RUNDC3B: variants seen among roughly 807,000 people sequenced by gnomAD.
RUNDC3B encodes the protein RUN domain containing 3B.
A neutral mutation model predicts 58.4 loss-of-function variants in RUNDC3B; 33 were observed. That is an observed-to-expected ratio of 0.56 (90% CI 0.43 to 0.75). RUNDC3B has a LOEUF of 0.75. Among genes scored for constraint, RUNDC3B ranks in the 30% least tolerant of loss-of-function variants. The pLI is 0.00. For synonymous variants in RUNDC3B, 193 were observed against 195.2 expected (o/e 0.99, Z 0.10); for missense variants, 501 against 535.7 (o/e 0.94, Z 0.64).
intron 4 of RUNDC3B, among the ~76,000 whole-genome samples, chr7:87,712,674 T>G (rs1366488794): frequency 3.3e-5 from 5 of 152,110 alleles, no homozygotes; most frequent in African/African-American, 1.2e-4. Context: ...CTTTCTGCCT[T>G]GTTCTTAAGT....
intron 6 of RUNDC3B, among the ~76,000 whole-genome samples, chr7:87,747,437 G>A (rs1832711703): frequency 6.6e-6 from 1 of 152,200 alleles, no homozygotes; most frequent in Non-Finnish European, 1.5e-5. Context: ...GTGGTTTAAT[G>A]CTCTATTTTT....
chr7:87,637,101 C>G (rs1821854165), intron 1 of RUNDC3B, among the ~76,000 whole-genome samples: 1 of 152,176 alleles, frequency 6.6e-6, no homozygotes, highest in Admixed American at 6.5e-5. Context: ...AATTACCTCC[C>G]ATCTGCTCCC....
chr7:87,680,900 A>G (rs1187215476), intron 2 of RUNDC3B, among the ~76,000 whole-genome samples: 1 of 150,848 alleles, frequency 6.6e-6, no homozygotes, highest in East Asian at 2.0e-4. Context: ...GCAGAAATCA[A>G]TGAAATTAAA....
intron 6 of RUNDC3B, among the ~76,000 whole-genome samples, chr7:87,766,147 CT>C (rs1833967198): frequency 6.6e-6 from 1 of 152,072 alleles, no homozygotes; most frequent in Non-Finnish European, 1.5e-5. Context: ...CATGATACAT[CT>C]TTTTCAAACT....
At chr7:87,829,503 T>C (rs1838020947) in intron 10 of RUNDC3B, among the ~76,000 whole-genome samples, 1 of 152,200 alleles carries the variant, frequency 6.6e-6, no homozygotes, top group Non-Finnish European at 1.5e-5. Flanking sequence ...CAGATGGCTA[T>C]ACATGTGCAG....
intron 3 of RUNDC3B, 76 bp downstream of exon 3, chr7:87,700,630 CTACT>C: frequency 7.5e-7 from 1 of 1,337,874 alleles, no homozygotes; most frequent in Non-Finnish European, 1.0e-6. Flanking sequence ...AGGTGTGAAG[CTACT>C]TACTATGAAT....
intron 4 of RUNDC3B, among the ~76,000 whole-genome samples, chr7:87,726,385 A>C (rs1015625211): frequency 2.0e-5 from 3 of 152,188 alleles, no homozygotes; most frequent in Admixed American, 6.5e-5. Context: ...CAGGTTCGTC[A>C]AAGATCAGAT....
intron 2 of RUNDC3B, among the ~76,000 whole-genome samples, chr7:87,688,297 A>G (rs1827673217): frequency 6.6e-6 from 1 of 152,082 alleles, no homozygotes; most frequent in African/African-American, 2.4e-5. Context: ...TTAATGTTTT[A>G]TAATACATTT....
At chr7:87,804,811 C>T (rs905780156) in intron 8 of RUNDC3B, among the ~76,000 whole-genome samples, 3 of 152,024 alleles carry the variant, frequency 2.0e-5, no homozygotes, top group Non-Finnish European at 4.4e-5. Context: ...GATTTAATAC[C>T]ATTAAATAAT....
chr7:87,705,311 A>G (rs1829488074), intron 3 of RUNDC3B, among the ~76,000 whole-genome samples: 1 of 152,168 alleles, frequency 6.6e-6, no homozygotes, highest in Non-Finnish European at 1.5e-5. Flanking sequence ...CTGTAATCCC[A>G]GCTACTTGGG....
intron 2 of RUNDC3B, among the ~76,000 whole-genome samples, chr7:87,663,743 A>G (rs1269826486): frequency 6.6e-6 from 1 of 152,164 alleles, no homozygotes; most frequent in Non-Finnish European, 1.5e-5. Context: ...GAGAGGCTTA[A>G]GTAACAGAAA....
intron 2 of RUNDC3B, among the ~76,000 whole-genome samples, chr7:87,677,401 C>A (rs1300081252): frequency 6.7e-6 from 1 of 148,784 alleles, no homozygotes; most frequent in African/African-American, 2.5e-5. Context: ...CAATAAACTA[C>A]ATGAAATATG....
At chr7:87,635,589 C>T (rs899288611) in intron 1 of RUNDC3B, among the ~76,000 whole-genome samples, 2 of 152,046 alleles carry the variant, frequency 1.3e-5, no homozygotes, top group African/African-American at 4.8e-5. Context: ...TTATTTCTAG[C>T]TCTACTATGC....
chr7:87,654,346 ATT>A (rs201077264), intron 2 of RUNDC3B, among the ~76,000 whole-genome samples: 2,361 of 152,234 alleles, frequency 0.016, 39 homozygotes, highest in South Asian at 0.023. Context: ...GCAAAGCTAT[ATT>A]AGTTAAAACA....
chr7:87,691,859 G>A (rs1030509002), intron 2 of RUNDC3B, among the ~76,000 whole-genome samples: 2 of 152,062 alleles, frequency 1.3e-5, no homozygotes, highest in African/African-American at 2.4e-5. Context: ...AGAGAAAACC[G>A]ATTGCTGGGT....
At chr7:87,672,229 A>G (rs147165115) in intron 2 of RUNDC3B, among the ~76,000 whole-genome samples, 368 of 152,346 alleles carry the variant, frequency 2.4e-3, no homozygotes, top group African/African-American at 8.2e-3. Context: ...TAGGAGGAAC[A>G]GGATCAGGTA....
intron 6 of RUNDC3B, among the ~76,000 whole-genome samples, chr7:87,769,889 A>G (rs1310708359): frequency 6.6e-6 from 1 of 152,012 alleles, no homozygotes; most frequent in Non-Finnish European, 1.5e-5. Flanking sequence ...TCTAAATTGG[A>G]CCATCATCTT....
intron 6 of RUNDC3B, among the ~76,000 whole-genome samples, chr7:87,758,593 A>G (rs777590024): frequency 6.6e-6 from 1 of 152,230 alleles, no homozygotes; most frequent in Non-Finnish European, 1.5e-5. Context: ...AGGGATTAAT[A>G]ACCAGAATAT....
At position 87,677,504 on chromosome 7, in the gene RUNDC3B, G is replaced by T. The variant is rs28746487; in HGVS notation, c.239-22917G>T. On this transcript the variant is annotated intron_variant, in intron 2 of 10. Coordinates refer to ENST00000394654, the MANE Select transcript of RUNDC3B (RefSeq NM_001134405.2). The stretch of plus-strand genomic sequence containing the variant: ...TTATAGTAACAGAGAGTAAAATGTT[G>T]ATTACCAGAGGCTGGGGGATAGGAG... 4.9e-3 allele frequency among the ~76,000 whole-genome samples: 751 copies of T among 152,164 alleles called. 6 individuals carry two copies. Among genetic ancestry groups the T allele is most frequent in the African/African-American group, 0.016 (663 of 41,524 alleles).
Sources: allele counts gnomAD v4.1 joint callset (sites outside exome capture counted in the v4.1 genomes callset), GRCh38; gene constraint gnomAD v4.1.1; transcripts MANE v1.5; gene names NCBI Gene and HGNC (gene_info 2026-07-23, HGNC 2026-07-21).